The following ST3GAL2 variants were observed in gnomAD, a reference collection of about 807,000 sequenced individuals.
ST3GAL2 encodes ST3 beta-galactoside alpha-2,3-sialyltransferase 2.
ST3GAL2 carries 16 observed loss-of-function variants against 37.5 expected under a neutral mutation model. The ratio of observed to expected loss-of-function variants is 0.43; its 90% CI spans 0.29 to 0.65. The LOEUF (loss-of-function observed/expected upper bound fraction) is 0.65, where lower values mean the gene tolerates loss of function less well. Ranked by LOEUF, ST3GAL2 falls within the 30% of genes least tolerant of loss-of-function variation. The pLI is 0.17. For synonymous variants in ST3GAL2, 238 were observed against 202.9 expected (o/e 1.17, Z -1.47); for missense variants, 383 against 487.8 (o/e 0.79, Z 2.02).
chr16:70,396,236 G>C (rs1207771632), intron 2 of ST3GAL2, among the ~76,000 whole-genome samples: 1 of 149,204 alleles, frequency 6.7e-6, no homozygotes, highest in Non-Finnish European at 1.5e-5. Context: ...TCCCAAGGTG[G>C]TGGGATTACT....
rs1454729972 is a variant in ST3GAL2 at position 70,431,985 on chromosome 16, A to ATATATATATTT, written c.-1004+6963_-1004+6964insAAATATATATA. Among the ~76,000 whole-genome samples, 773 of 139,006 alleles carry ATATATATATTT rather than the reference A, an allele frequency of 5.6e-3. 12 individuals carry two copies. The highest frequency in any genetic ancestry group is 0.023 in the African/African-American group (730 of 31,330). 91.2% of individuals were successfully genotyped at this position (139,006 alleles called of 152,430 possible). ...TCTTAAAAAAAATATATATATATATATTTTTTTTTAACTTAGCTGGGCACA... is the reference window on the plus strand; with the variant it reads ...TCTTAAAAAAAATATATATATATATATATATATATTTTTTTTTTTTAACTTAGCTGGGCACA... On this transcript the variant is annotated intron_variant, in intron 1 of 6. Transcript: ENST00000342907.
At chr16:70,414,052 A>AT in intron 1 of ST3GAL2, among the ~76,000 whole-genome samples, 1 of 152,192 alleles carries the variant, frequency 6.6e-6, no homozygotes, top group African/African-American at 2.4e-5. Context: ...GGCGTACATG[A>AT]ATATATTTTT....
chr16:70,426,792 G>C (rs113138829), intron 1 of ST3GAL2, among the ~76,000 whole-genome samples: 1 of 152,192 alleles, frequency 6.6e-6, no homozygotes, highest in Non-Finnish European at 1.5e-5. Flanking sequence ...TTATAGGCGT[G>C]AGCCACCGCG....
chr16:70,381,976 G>C, intron 6 of ST3GAL2, 114 bp from the exon 7 acceptor site: 2 of 1,382,858 alleles, frequency 1.4e-6, no homozygotes, highest in South Asian at 2.6e-5. Flanking sequence ...AGATGCAGGA[G>C]CCCCCAGGCC....
At chr16:70,438,782 C>T (rs951531559) in intron 1 of ST3GAL2, among the ~76,000 whole-genome samples, 167 bp downstream of exon 1, 1 of 151,964 alleles carries the variant, frequency 6.6e-6, no homozygotes, top group Non-Finnish European at 1.5e-5. Flanking sequence ...GCGCGCGGAC[C>T]CCCGCCCACA....
At chr16:70,388,919 T>G (rs1597557018) in intron 3 of ST3GAL2, among the ~76,000 whole-genome samples, 1 of 136,116 alleles carries the variant, frequency 7.3e-6, no homozygotes, top group Non-Finnish European at 1.6e-5. Flanking sequence ...AAAAAACAAA[T>G]ATAAAATTAG....
Position 70,398,359 on chromosome 16 carries a change from G to A in ST3GAL2, c.172C>T (p.Gln58Ter). 6.2e-7 allele frequency: 1 copy of A among 1,613,494 alleles called. No homozygotes were observed. The highest frequency in any genetic ancestry group is 8.5e-7 in the Non-Finnish European group (1 of 1,180,038). ...GAGAGCCTCTCCTTGCTGAGGCGCT[G>A]CAGGCCGGCATAGCCGGGCACCAGC... ...VKLVPGYAGL[Q>*]RLSKERLSGK... The change falls in exon 2 of 7, where the codon CAG (glutamine) becomes TAG (stop). Residue 58 changes from glutamine to a stop codon, truncating the protein, a stop_gained. Coordinates refer to ENST00000342907, the MANE Select transcript of ST3GAL2 (RefSeq NM_006927.4). LOFTEE classifies it high-confidence loss of function.
In ST3GAL2 at chr16:70,381,632, C is replaced by G; in HGVS notation, c.*57G>C. ...GTCGCGGGTTGCTGGTCCTGGGTCCCGGGCCGGAGCCCCGGTGCCCGATAG... is the reference window on the plus strand; with the variant it reads ...GTCGCGGGTTGCTGGTCCTGGGTCCGGGGCCGGAGCCCCGGTGCCCGATAG... On this transcript the variant is annotated 3_prime_UTR_variant, in exon 7 of 7. Transcript: ENST00000342907. The G allele has an allele frequency of 6.3e-7, 1 of 1,584,264 alleles. No homozygotes were observed.
rs1390461662 is a variant in ST3GAL2 at position 70,389,285 on chromosome 16, C to A, written c.534-739G>T. 2.5e-5 allele frequency among the ~76,000 whole-genome samples: 3 copies of A among 120,306 alleles called. No homozygotes were observed. In the South Asian group the frequency reaches 9.1e-4, roughly 37 times the overall value. 78.9% of individuals were successfully genotyped at this position (120,306 alleles called of 152,430 possible). A position where few individuals can be genotyped will look rare whatever the true frequency, so the allele number is the denominator to read the frequency against. Reference sequence around the variant, plus strand: ...GGGCTTAACTCATTTTTACTGTATACATTTTTATTTATTTACTTTTAATTA... The same window carrying A: ...GGGCTTAACTCATTTTTACTGTATAAATTTTTATTTATTTACTTTTAATTA... On this transcript the variant is annotated intron_variant, in intron 3 of 6. Coordinates refer to ENST00000342907, the MANE Select transcript of ST3GAL2 (RefSeq NM_006927.4).
At chr16:70,438,671 G>T (rs1439330488) in intron 1 of ST3GAL2, among the ~76,000 whole-genome samples, 1 of 152,002 alleles carries the variant, frequency 6.6e-6, no homozygotes, top group African/African-American at 2.4e-5. Context: ...GGCTGGGGTT[G>T]GGGTTGGGGG....
chr16:70,418,624 G>A (rs772382715), intron 1 of ST3GAL2, among the ~76,000 whole-genome samples: 9 of 152,116 alleles, frequency 5.9e-5, no homozygotes, highest in South Asian at 4.1e-4. Flanking sequence ...CATCCTCATC[G>A]AAGTGGGCCC....
intron 1 of ST3GAL2, among the ~76,000 whole-genome samples, chr16:70,414,695 T>C (rs1006910579): frequency 2.0e-5 from 3 of 152,026 alleles, no homozygotes; most frequent in East Asian, 1.9e-4. Context: ...ATTTTTGAGA[T>C]AGAGTCTCAC....
chr16:70,428,200 C>T (rs770088980), intron 1 of ST3GAL2, among the ~76,000 whole-genome samples: 1 of 152,242 alleles, frequency 6.6e-6, no homozygotes, highest in Non-Finnish European at 1.5e-5. Context: ...GGTTTGTCCC[C>T]TCCCCCAGTG....
chr16:70,426,328 G>T (rs1010665904), intron 1 of ST3GAL2, among the ~76,000 whole-genome samples: 1 of 150,822 alleles, frequency 6.6e-6, no homozygotes, highest in African/African-American at 2.4e-5. Flanking sequence ...CGAGTAGCTG[G>T]GACCACAGGT....
chr16:70,434,885 T>A (rs961299730), intron 1 of ST3GAL2, among the ~76,000 whole-genome samples: 3 of 152,194 alleles, frequency 2.0e-5, no homozygotes, highest in Admixed American at 6.5e-5. Context: ...GCCTTATAAA[T>A]GTTCCACTGA....
rs1203693372 is a variant in ST3GAL2 at position 70,415,762 on chromosome 16, C to CTT, written c.-1003-16231_-1003-16230dup. On this transcript the variant is annotated intron_variant, in intron 1 of 6. Transcript: ENST00000342907. ...TCCACCGTGCCCAGCTTCCAAGATT[C>CTT]TTTTTTTTTTTTTTTTTTTTCTTTT... 6.9e-5 allele frequency among the ~76,000 whole-genome samples: 8 copies of CTT among 115,940 alleles called. 1 individual carries two copies. The highest frequency in any genetic ancestry group is 2.7e-4 in the Admixed American group (3 of 11,038). 76.1% of individuals were successfully genotyped at this position (115,940 alleles called of 152,430 possible). A position where few individuals can be genotyped will look rare whatever the true frequency, so the allele number is the denominator to read the frequency against.
intron 1 of ST3GAL2, among the ~76,000 whole-genome samples, chr16:70,431,730 G>A (rs992842457): frequency 1.3e-5 from 2 of 151,694 alleles, no homozygotes; most frequent in African/African-American, 2.4e-5. Context: ...TTGGGAGGCC[G>A]AGGCGGGCAG....
chr16:70,410,425 T>C (rs954112305), intron 1 of ST3GAL2, among the ~76,000 whole-genome samples: 1 of 151,060 alleles, frequency 6.6e-6, no homozygotes, highest in Non-Finnish European at 1.5e-5. Flanking sequence ...TAATTTTTTT[T>C]TGTATTTTTA....
chr16:70,438,722 G>A (rs2047844984), intron 1 of ST3GAL2, among the ~76,000 whole-genome samples: 1 of 152,300 alleles, frequency 6.6e-6, no homozygotes, highest in Admixed American at 6.5e-5. Context: ...GGGAGGCTGG[G>A]AGCGGCTGGA....
Sources: gnomAD v4.1 joint callset for allele counts (sites outside exome capture counted in the v4.1 genomes callset) on GRCh38, gnomAD v4.1.1 for gene constraint, MANE v1.5 for transcripts, NCBI Gene and HGNC (gene_info 2026-07-23, HGNC 2026-07-21) for gene names.